Variants in MDM2 observed in about 807,000 individuals in gnomAD.
The protein encoded by MDM2 is E3 ubiquitin-protein ligase Mdm2.
A neutral mutation model predicts 64.3 loss-of-function variants in MDM2; 11 were observed. The ratio of observed to expected loss-of-function variants is 0.17; its 90% CI spans 0.11 to 0.28. The LOEUF is 0.28. MDM2 is among the 10% of genes least tolerant of loss of function. The probability of loss-of-function intolerance (pLI) is 1.00; values close to 1 mark genes in which losing one functional copy is unlikely to be tolerated. For synonymous variants in MDM2, 194 were observed against 192.9 expected (o/e 1.01, Z -0.05); for missense variants, 388 against 577.1 (o/e 0.67, Z 3.36).
chr12:68,833,332 A>T (rs1432689501), intron 8 of MDM2, among the ~76,000 whole-genome samples: 3 of 65,972 alleles, frequency 4.5e-5, no homozygotes, highest in Admixed American at 1.3e-4. Context: ...TATAAATATA[A>T]AAATATATAT....
At chr12:68,836,808 A>G in intron 10 of MDM2, 59 bp downstream of exon 10, 1 of 1,016,020 alleles carries the variant, frequency 9.8e-7, no homozygotes, top group Non-Finnish European at 1.5e-6. Flanking sequence ...AGATTAGGAG[A>G]CTATATCTAG....
chr12:68,826,499 A>G (rs1592586201), intron 7 of MDM2, among the ~76,000 whole-genome samples: 2 of 151,940 alleles, frequency 1.3e-5, no homozygotes, highest in South Asian at 2.1e-4. Flanking sequence ...AAATACAAAA[A>G]TTAGCCAGGT....
intron 2 of MDM2, among the ~76,000 whole-genome samples, chr12:68,809,802 C>G (rs1880703632): frequency 6.6e-6 from 1 of 152,094 alleles, no homozygotes; most frequent in South Asian, 2.1e-4. Context: ...CAAGATGAAA[C>G]TGTAGTTGTT....
At chr12:68,829,696 T>C (rs1882635339) in intron 8 of MDM2, among the ~76,000 whole-genome samples, 1 of 151,080 alleles carries the variant, frequency 6.6e-6, no homozygotes, top group Non-Finnish European at 1.5e-5. Context: ...AACCCAGGAG[T>C]TGGAGGTTGC....
chr12:68,820,539 C>T, intron 5 of MDM2, 165 bp downstream of exon 5: 1 of 596,586 alleles, frequency 1.7e-6, no homozygotes, highest in Non-Finnish European at 3.0e-6. Flanking sequence ...TGAACTAAAA[C>T]CACATACTGA....
At chr12:68,835,181 G>C (rs1353849688) in intron 8 of MDM2, among the ~76,000 whole-genome samples, 1 of 152,128 alleles carries the variant, frequency 6.6e-6, no homozygotes, top group East Asian at 1.9e-4. Flanking sequence ...TGAGAAACAT[G>C]CCTGCAAAAT....
At position 68,842,544 on chromosome 12, in the gene MDM2, T is replaced by G. The variant is rs1374009511; in HGVS notation, c.*2695T>G. Reference sequence around the variant, plus strand: ...ATTGCTGTCTACAAAACAGATAATATGGATGTTTGATCGCATCTCATTGTT... The same window carrying G: ...ATTGCTGTCTACAAAACAGATAATAGGGATGTTTGATCGCATCTCATTGTT... On this transcript the variant is annotated 3_prime_UTR_variant, in exon 11 of 11. Transcript: ENST00000258149. The G allele has an allele frequency of 2.8e-6, 1 of 351,652 alleles. No homozygotes were observed. Among genetic ancestry groups the G allele is most frequent in the Non-Finnish European group, 5.6e-6 (1 of 178,786 alleles). The allele number at this position is 351,652 out of a possible 1,614,324, so 21.8% of individuals were successfully genotyped here.
In MDM2 at chr12:68,843,117, A is replaced by G. The variant is rs2136188201; in HGVS notation, c.*3268A>G. On this transcript the variant is annotated 3_prime_UTR_variant, in exon 11 of 11. Coordinates refer to ENST00000258149, the MANE Select transcript of MDM2 (RefSeq NM_002392.6). ...GGTTTTTTTTTTTTTAAAGCCACAC[A>G]ATAATTTTGGAAAACAATGTATGGG... 2 of 222,998 alleles carry G rather than the reference A, an allele frequency of 9.0e-6. No individual in the cohort carries two copies. The highest frequency in any genetic ancestry group is 1.3e-4 in the East Asian group (2 of 15,288). The allele number at this position is 222,998 out of a possible 1,614,324, so 13.8% of individuals were successfully genotyped here. A position where few individuals can be genotyped will look rare whatever the true frequency, so the allele number is the denominator to read the frequency against.
rs45516101 is a variant in MDM2, at chr12:68,824,959, G to A, written c.523+308G>A. On this transcript the variant is annotated intron_variant, in intron 7 of 10. Coordinates refer to ENST00000258149, the MANE Select transcript of MDM2 (RefSeq NM_002392.6). ...ACGCCTGGCTCACGCCTGTAATCCCGGCACTTTGGGAGGCCGAGGCTGGCG... is the reference window on the plus strand; with the variant it reads ...ACGCCTGGCTCACGCCTGTAATCCCAGCACTTTGGGAGGCCGAGGCTGGCG... 6.6e-3 allele frequency among the ~76,000 whole-genome samples: 1,001 copies of A among 151,756 alleles called. 8 individuals carry two copies. The highest frequency in any genetic ancestry group is 0.027 in the Middle Eastern group (8 of 292).
At chr12:68,836,588 A>G in intron 9 of MDM2, 84 bp from the exon 10 acceptor site, 1 of 911,972 alleles carries the variant, frequency 1.1e-6, no homozygotes, top group Admixed American at 1.7e-5. Context: ...AGTACATGAT[A>G]TTTGTTTAGG....
chr12:68,810,021 A>G (rs1312150417), intron 2 of MDM2, among the ~76,000 whole-genome samples: 1 of 152,190 alleles, frequency 6.6e-6, no homozygotes, highest in Non-Finnish European at 1.5e-5. Flanking sequence ...AAGATTTTAT[A>G]GAATTATAGG....
chr12:68,836,635 G>T (rs770629022), intron 9 of MDM2, 37 bp from the exon 10 acceptor site: 8 of 1,420,870 alleles, frequency 5.6e-6, no homozygotes, highest in Admixed American at 1.7e-5. Flanking sequence ...GAAGGAAATA[G>T]GGCGATGAAT....
At chr12:68,835,684 G>C in intron 8 of MDM2, 145 bp from the exon 9 acceptor site, 1 of 699,204 alleles carries the variant, frequency 1.4e-6, no homozygotes, top group Non-Finnish European at 2.2e-6. Flanking sequence ...GATCTCCCTC[G>C]GGAAGTCCCG....
chr12:68,814,453 G>T (rs1326532971), intron 3 of MDM2: 1 of 202,506 alleles, frequency 4.9e-6, no homozygotes, highest in African/African-American at 2.3e-5. Flanking sequence ...TTTTGTTGGT[G>T]ATGAAATCAC....
Position 68,835,943 on chromosome 12 carries a change from C to G in MDM2, c.799C>G (p.Leu267Val). Reference protein sequence around the residue: ...VESLDSEDYSLSEEGQELSDE... With the variant: ...VESLDSEDYSVSEEGQELSDE... Reference sequence around the variant, plus strand: ...ATCTCTCGACTCAGAAGATTATAGCCTTAGTGAAGAAGGACAAGAACTCTC... The same window carrying G: ...ATCTCTCGACTCAGAAGATTATAGCGTTAGTGAAGAAGGACAAGAACTCTC... The change falls in exon 9 of 11, where the codon CTT becomes GTT. Residue 267 changes from leucine to valine, a missense_variant. Transcript: ENST00000258149. The G allele has an allele frequency of 1.2e-6, 2 of 1,611,716 alleles. No homozygotes were observed. The highest frequency in any genetic ancestry group is 1.1e-5 in the South Asian group (1 of 90,674).
chr12:68,835,757 G>A, intron 8 of MDM2, 72 bp from the exon 9 acceptor site: 1 of 1,421,052 alleles, frequency 7.0e-7, no homozygotes, highest in Non-Finnish European at 9.6e-7. Context: ...GAGGCACAGG[G>A]ATGAGTTAGG....
intron 3 of MDM2, chr12:68,815,490 G>A (rs3730521): frequency 0.093 from 13,509 of 144,562 alleles, 2,152 homozygotes; most frequent in African/African-American, 0.33. Context: ...TGCCCAGGCT[G>A]GAGTGCAGTG....
At chr12:68,810,293 A>G (rs1446393263) in intron 2 of MDM2, among the ~76,000 whole-genome samples, 1 of 150,448 alleles carries the variant, frequency 6.6e-6, no homozygotes, top group East Asian at 2.0e-4. Context: ...CTGGGCGATA[A>G]GAGCGAAACT....
intron 8 of MDM2, among the ~76,000 whole-genome samples, chr12:68,835,119 G>C (rs1461248897): frequency 6.6e-6 from 1 of 152,020 alleles, no homozygotes; most frequent in African/African-American, 2.4e-5. Context: ...CTACCAATTT[G>C]GACATAGAAA....
Sources: allele counts gnomAD v4.1 joint callset (sites outside exome capture counted in the v4.1 genomes callset), GRCh38; gene constraint gnomAD v4.1.1; transcripts MANE v1.5; gene names NCBI Gene and HGNC (gene_info 2026-07-23, HGNC 2026-07-21).